UHRF1: variants seen among roughly 807,000 people sequenced by gnomAD.
The protein encoded by UHRF1 is E3 ubiquitin-protein ligase UHRF1.
In UHRF1, 9 loss-of-function variants were observed where a neutral mutation model predicts 96.5. The ratio of observed to expected loss-of-function variants is 0.09; its 90% CI spans 0.06 to 0.16. UHRF1 has a LOEUF of 0.16. Among genes scored for constraint, UHRF1 ranks in the 10% least tolerant of loss-of-function variants. UHRF1 has a pLI of 1.00. For synonymous variants in UHRF1, 455 were observed against 469.9 expected (o/e 0.97, Z 0.41); for missense variants, 626 against 1,131.1 (o/e 0.55, Z 6.40).
intron 4 of UHRF1, among the ~76,000 whole-genome samples, chr19:4,932,380 C>T (rs1227527299): frequency 1.3e-5 from 2 of 152,234 alleles, no homozygotes; most frequent in Non-Finnish European, 2.9e-5. Context: ...TCCTCTTGTT[C>T]TAAAGACACC....
chr19:4,938,730 G>GGTTTT (rs1568421924), intron 5 of UHRF1, among the ~76,000 whole-genome samples: 4 of 61,566 alleles, frequency 6.5e-5, no homozygotes, highest in Non-Finnish European at 1.2e-4. Flanking sequence ...TTTTGGTCAG[G>GGTTTT]TTTTTTTTTT....
chr19:4,923,213 C>G (rs1344728303), intron 2 of UHRF1, among the ~76,000 whole-genome samples: 1 of 152,220 alleles, frequency 6.6e-6, no homozygotes, highest in South Asian at 2.1e-4. Flanking sequence ...GTCTCCTCCC[C>G]GACTTGTCCT....
chr19:4,924,016 G>A lies in UHRF1; in HGVS notation c.154-5206G>A, dbSNP rs150576151. ...GAGTCTCATTCTGTCACCCACGCTG[G>A]AGTGCAGTGGCGAGATCCTGGCTCA... is the stretch of plus-strand genomic sequence containing the variant. On this transcript the variant is annotated intron_variant, in intron 2 of 16. Transcript: ENST00000650932. Among the ~76,000 whole-genome samples the A allele has an allele frequency of 5.8e-3, 889 of 152,270 alleles. 15 individuals are homozygous for A. Among genetic ancestry groups the A allele is most frequent in the African/African-American group, 0.02 (848 of 41,558 alleles).
At chr19:4,932,319 C>T (rs750937628) in intron 4 of UHRF1, among the ~76,000 whole-genome samples, 3 of 152,216 alleles carry the variant, frequency 2.0e-5, no homozygotes, top group African/African-American at 4.8e-5. Flanking sequence ...CTTCCCGCTT[C>T]GGCCTCCCAA....
intron 1 of UHRF1, 187 bp from the exon 2 acceptor site, chr19:4,910,689 C>T: frequency 2.0e-6 from 1 of 495,210 alleles, no homozygotes; most frequent in Non-Finnish European, 3.5e-6. Flanking sequence ...GTCGTTAATG[C>T]CTTAAGTGCT....
intron 1 of UHRF1, chr19:4,910,596 A>C: frequency 9.2e-6 from 3 of 324,858 alleles, no homozygotes; most frequent in Admixed American, 4.9e-5. Flanking sequence ...GTCGTGGGGA[A>C]GGAGGGATGG....
At chr19:4,946,920 C>T (rs1435542602) in intron 10 of UHRF1, among the ~76,000 whole-genome samples, 185 bp from the exon 11 acceptor site, 6 of 152,042 alleles carry the variant, frequency 3.9e-5, no homozygotes, top group African/African-American at 1.2e-4. Context: ...TTTGTATAGT[C>T]GCTTTGCCAT....
In UHRF1 at chr19:4,935,432, T is replaced by C. The variant is rs1457974575; in HGVS notation, c.785+2476T>C. Among the ~76,000 whole-genome samples the C allele has an allele frequency of 3.3e-5, 5 of 152,194 alleles. No individual in the cohort carries two copies. In the South Asian group the frequency reaches 8.3e-4, roughly 25 times the overall value. ...TTTCCTTTCTAAATTACCCAGTCTT[T>C]ATTATTTAGTATGTCTTTATTAGCA... On this transcript the variant is annotated intron_variant, in intron 5 of 16. Transcript: ENST00000650932.
intron 5 of UHRF1, among the ~76,000 whole-genome samples, chr19:4,934,349 G>T (rs758026352): frequency 2.0e-5 from 3 of 152,086 alleles, no homozygotes; most frequent in Admixed American, 2.0e-4. Context: ...TTTACCATTG[G>T]AACCATGTTT....
intron 7 of UHRF1, among the ~76,000 whole-genome samples, chr19:4,943,537 C>T (rs935968063): frequency 9.3e-5 from 14 of 149,974 alleles, no homozygotes; most frequent in Admixed American, 2.0e-4. Flanking sequence ...ACTGAGTCCA[C>T]GGCAGTGAGA....
chr19:4,909,272 C>G, upstream of UHRF1: 2 of 528,612 alleles, frequency 3.8e-6, no homozygotes, highest in Non-Finnish European at 6.6e-6. Context: ...TGACCAGGCC[C>G]TGCCACGCAG....
chr19:4,909,929 G>A (rs1396242706), intron 1 of UHRF1, among the ~76,000 whole-genome samples: 9 of 151,216 alleles, frequency 6.0e-5, no homozygotes, highest in African/African-American at 2.2e-4. Context: ...AGGATGTCAG[G>A]CTCCGCGCCT....
chr19:4,933,115 A>G (rs2033108648), intron 5 of UHRF1, among the ~76,000 whole-genome samples, 159 bp downstream of exon 5: 1 of 152,164 alleles, frequency 6.6e-6, no homozygotes, highest in Admixed American at 6.5e-5. Context: ...GTTCCTGCTC[A>G]CTGCTGAGCA....
At chr19:4,938,748 T>TG (rs1455692525) in intron 5 of UHRF1, among the ~76,000 whole-genome samples, 14 of 132,096 alleles carry the variant, frequency 1.1e-4, no homozygotes, top group African/African-American at 3.8e-4. Context: ...TTTTTTTTTT[T>TG]TTTTTTTTTT....
intron 5 of UHRF1, among the ~76,000 whole-genome samples, chr19:4,933,794 G>A (rs535493220): frequency 6.6e-6 from 1 of 152,204 alleles, no homozygotes; most frequent in South Asian, 2.1e-4. Flanking sequence ...ATTGGGACGT[G>A]GTCACACCCA....
intron 5 of UHRF1, among the ~76,000 whole-genome samples, chr19:4,938,295 A>G (rs2033276398): frequency 6.6e-6 from 1 of 152,000 alleles, no homozygotes; most frequent in African/African-American, 2.4e-5. Flanking sequence ...GAGCTGACAT[A>G]CTTTCTGGGT....
intron 5 of UHRF1, among the ~76,000 whole-genome samples, chr19:4,934,427 CT>C (rs1315877283): frequency 1.3e-5 from 2 of 152,194 alleles, no homozygotes; most frequent in African/African-American, 4.8e-5. Flanking sequence ...ACTTTGTCCT[CT>C]TCCCAAACTG....
rs772094708 is a variant in UHRF1, at chr19:4,954,844, G to T, written c.2130+22G>T. The T allele has an allele frequency of 1.2e-6, 2 of 1,609,416 alleles. No homozygotes were observed. The highest frequency in any genetic ancestry group is 1.7e-5 in the Admixed American group (1 of 58,766). On this transcript the variant is annotated intron_variant, in intron 15 of 16. Transcript: ENST00000650932. The surrounding 1 kb of genome is among the most constrained non-coding windows in gnomAD (Gnocchi z 5.9). ...CCCGGTAGGCTCGCACGGCTCACTC[G>T]TCGCCCTGATTTGCGTTGACTGCGG...
chr19:4,957,296 G>GTTTT, intron 16 of UHRF1, among the ~76,000 whole-genome samples: 1 of 119,468 alleles, frequency 8.4e-6, no homozygotes, highest in Admixed American at 9.4e-5. Context: ...CCCAGCTGAT[G>GTTTT]GTTTTTTTTT....
Sources: allele counts gnomAD v4.1 joint callset (sites outside exome capture counted in the v4.1 genomes callset), GRCh38; gene constraint gnomAD v4.1.1; non-coding constraint Gnocchi (gnomAD v3.1); transcripts MANE v1.5; gene names NCBI Gene and HGNC (gene_info 2026-07-23, HGNC 2026-07-21).